The following FAM83B variants were observed in gnomAD, a reference collection of about 807,000 sequenced individuals.
FAM83B encodes scaffolding CK1 anchoring protein B.
In FAM83B, 26 loss-of-function variants were observed where a neutral mutation model predicts 38.8. The observed-to-expected ratio is 0.67, with a 90% CI of 0.49 to 0.93. FAM83B has a LOEUF of 0.93. FAM83B is among the 40% of genes least tolerant of loss of function. FAM83B has a pLI of 0.00. For synonymous variants in FAM83B, 419 were observed against 423.1 expected (o/e 0.99, Z 0.12); for missense variants, 1,237 against 1,197.3 (o/e 1.03, Z -0.49).
intron 1 of FAM83B, among the ~76,000 whole-genome samples, chr6:54,859,334 A>G (rs2127572856): frequency 6.6e-6 from 1 of 152,272 alleles, no homozygotes; most frequent in Non-Finnish European, 1.5e-5. Flanking sequence ...TGCTGGGATT[A>G]CCAGCATGAG....
chr6:54,926,002 T>A (rs9464165), intron 2 of FAM83B, among the ~76,000 whole-genome samples: 46 of 152,258 alleles, frequency 3.0e-4, no homozygotes, highest in African/African-American at 1.1e-3. Flanking sequence ...AAATCCTACT[T>A]TCCCCTGGAA....
chr6:54,906,907 C>G (rs772575947), intron 2 of FAM83B, among the ~76,000 whole-genome samples: 17 of 152,232 alleles, frequency 1.1e-4, no homozygotes, highest in Non-Finnish European at 2.2e-4. Flanking sequence ...TATACAGTCT[C>G]TTTTGTCTAA....
At chr6:54,848,229 T>G (rs966273293) in intron 1 of FAM83B, among the ~76,000 whole-genome samples, 1 of 152,052 alleles carries the variant, frequency 6.6e-6, no homozygotes, top group African/African-American at 2.4e-5. Context: ...TTCCTATAGT[T>G]CCCAGAAAAG....
At chr6:54,861,687 C>T (rs62412651) in intron 1 of FAM83B, among the ~76,000 whole-genome samples, 2,714 of 152,192 alleles carry the variant, frequency 0.018, 40 homozygotes, top group Middle Eastern at 0.061. Flanking sequence ...TAAAATGGCC[C>T]CAAATCTAGT....
chr6:54,930,543 T>G (rs1423217245), intron 4 of FAM83B, among the ~76,000 whole-genome samples: 1 of 152,118 alleles, frequency 6.6e-6, no homozygotes, highest in East Asian at 1.9e-4. Context: ...ATTAAAAAAT[T>G]TATAATTCTA....
intron 2 of FAM83B, among the ~76,000 whole-genome samples, chr6:54,915,084 GTTT>G (rs895915413): frequency 1.2e-4 from 18 of 151,130 alleles, no homozygotes; most frequent in Admixed American, 1.1e-3. Context: ...TCACCCACCT[GTTT>G]TTATGCATAA....
At chr6:54,913,062 T>C in intron 2 of FAM83B, among the ~76,000 whole-genome samples, 1 of 152,094 alleles carries the variant, frequency 6.6e-6, no homozygotes, top group East Asian at 1.9e-4. Flanking sequence ...TGCAGTATAT[T>C]TGATTTTTTA....
chr6:54,848,724 G>C (rs561875994), intron 1 of FAM83B, among the ~76,000 whole-genome samples: 12 of 152,266 alleles, frequency 7.9e-5, no homozygotes, highest in South Asian at 2.1e-4. Context: ...ACAATACTGA[G>C]TTGCCAAAAT....
chr6:54,894,567 A>G (rs575343321), intron 2 of FAM83B, among the ~76,000 whole-genome samples: 1 of 152,318 alleles, frequency 6.6e-6, no homozygotes, highest in Admixed American at 6.5e-5. Flanking sequence ...ATTTTAATTA[A>G]GAATCTATGC....
intron 4 of FAM83B, among the ~76,000 whole-genome samples, chr6:54,929,333 G>T (rs1773373889): frequency 6.6e-6 from 1 of 151,986 alleles, no homozygotes; most frequent in Admixed American, 6.6e-5. Context: ...AGTTGAAAAT[G>T]CCTTCTTCTT....
At chr6:54,872,133 A>G (rs1353624809) in intron 2 of FAM83B, among the ~76,000 whole-genome samples, 1 of 152,190 alleles carries the variant, frequency 6.6e-6, no homozygotes, top group African/African-American at 2.4e-5. Context: ...CAGCTGTATT[A>G]ATTCCTTTAA....
rs540821377 is a variant in FAM83B, at chr6:54,874,834, C to T, written c.444+4144C>T. On this transcript the variant is annotated intron_variant, in intron 2 of 4. Coordinates refer to ENST00000306858, the MANE Select transcript of FAM83B (RefSeq NM_001010872.3). ...AATTAGGACAGAGTAATTCCTGATG[C>T]GCTCTATACCACATTACCTGAGTTC... Among the ~76,000 whole-genome samples, 158 of 152,238 alleles carry T rather than the reference C, an allele frequency of 1.0e-3. 1 individual carries two copies. The South Asian group carries it at 0.024, about 23-fold the overall frequency.
At chr6:54,846,928 C>T (rs1182533265) in intron 1 of FAM83B, 102 bp downstream of exon 1, 20 of 151,926 alleles carry the variant, frequency 1.3e-4, no homozygotes, top group Non-Finnish European at 5.9e-5. Flanking sequence ...CGGGGCTTCA[C>T]CCGCCCCTGG....
chr6:54,846,557 GT>G (rs1169886929), upstream of FAM83B, among the ~76,000 whole-genome samples: 1 of 152,206 alleles, frequency 6.6e-6, no homozygotes, highest in Non-Finnish European at 1.5e-5. Context: ...GTTCAGACAG[GT>G]TCCGAGCGCT....
chr6:54,916,459 C>A (rs1394197491), intron 2 of FAM83B, among the ~76,000 whole-genome samples: 2 of 152,090 alleles, frequency 1.3e-5, no homozygotes, highest in Non-Finnish European at 2.9e-5. Context: ...TTCACACGCT[C>A]GTATTGACTA....
chr6:54,891,127 C>G (rs1012828082), intron 2 of FAM83B, among the ~76,000 whole-genome samples: 1 of 151,982 alleles, frequency 6.6e-6, no homozygotes, highest in African/African-American at 2.4e-5. Flanking sequence ...TTTTTCTTGC[C>G]TTTTAACCAT....
At chr6:54,917,800 A>G (rs1475983988) in intron 2 of FAM83B, among the ~76,000 whole-genome samples, 1 of 152,182 alleles carries the variant, frequency 6.6e-6, no homozygotes, top group Non-Finnish European at 1.5e-5. Context: ...CTTTTAATGC[A>G]TGGCTTAAAA....
At chr6:54,918,397 G>C (rs939800258) in intron 2 of FAM83B, among the ~76,000 whole-genome samples, 16 of 152,090 alleles carry the variant, frequency 1.1e-4, no homozygotes, top group African/African-American at 3.9e-4. Context: ...ACACTGCTAT[G>C]AAGAAATACC....
Position 54,886,194 on chromosome 6 carries a change from A to G in FAM83B, c.444+15504A>G, listed in dbSNP as rs541803022. ...GCTAGATTATATTTGCTGGTATTTT[A>G]TTTATGAATTTTGTGTTTATGTTCA... On this transcript the variant is annotated intron_variant, in intron 2 of 4. Transcript: ENST00000306858. 4.6e-5 allele frequency among the ~76,000 whole-genome samples: 7 copies of G among 152,116 alleles called. No homozygotes were observed. In the South Asian group the frequency reaches 1.5e-3, roughly 32 times the overall value.
Sources: gnomAD v4.1 joint callset for allele counts (sites outside exome capture counted in the v4.1 genomes callset) on GRCh38, gnomAD v4.1.1 for gene constraint, MANE v1.5 for transcripts, NCBI Gene and HGNC (gene_info 2026-07-23, HGNC 2026-07-21) for gene names.